Variants in PARD3B observed in about 807,000 individuals in gnomAD.
PARD3B encodes the protein par-3 family cell polarity regulator beta, also known as partitioning defective 3 homolog B.
A neutral mutation model predicts 130.2 loss-of-function variants in PARD3B; 103 were observed. The observed-to-expected ratio is 0.79, with a 90% CI of 0.67 to 0.93. The LOEUF is 0.93. PARD3B is among the 40% of genes least tolerant of loss of function. The probability of loss-of-function intolerance (pLI) is 0.00; values close to 1 mark genes in which losing one functional copy is unlikely to be tolerated. For missense variants in PARD3B, 1,609 were observed against 1,499.2 expected, an observed-to-expected ratio of 1.07 and a Z score of -1.21; for synonymous variants, 583 against 553.2, an observed-to-expected ratio of 1.05 and a Z score of -0.76.
In PARD3B at chr2:205,585,674, A is replaced by G. The variant is rs536420992; in HGVS notation, c.3261-29782A>G. 6.6e-6 allele frequency among the ~76,000 whole-genome samples: 1 copy of G among 152,212 alleles called. No homozygotes were observed. Among genetic ancestry groups the G allele is most frequent in the South Asian group, 2.1e-4 (1 of 4,826 alleles). On this transcript the variant is annotated intron_variant, in intron 22 of 22. Transcript: ENST00000406610. The surrounding 1 kb of genome is among the most constrained non-coding windows in gnomAD (Gnocchi z 5.4). ...TTCACTTACACAGATTTCAATGTCC[A>G]AAGGAAATGTGGGGGACACTTAGGC... is the stretch of plus-strand genomic sequence containing the variant.
At chr2:205,485,843 C>T (rs1461549477) in intron 20 of PARD3B, among the ~76,000 whole-genome samples, 1 of 152,188 alleles carries the variant, frequency 6.6e-6, no homozygotes, top group African/African-American at 2.4e-5. Context: ...CTTGTCTCTT[C>T]TCTAATAGGC....
rs560939621 is a variant in PARD3B at position 205,227,943 on chromosome 2, G to T, written c.2141-17835G>T. Among the ~76,000 whole-genome samples, 3 of 152,122 alleles carry T rather than the reference G, an allele frequency of 2.0e-5. No individual in the cohort carries two copies. The East Asian group carries it at 5.8e-4, about 29-fold the overall frequency. ...CTGATGACAACACTGACTGCATAAA[G>T]AAACAAACTAATAAACAGGCAAAAA... is the stretch of plus-strand genomic sequence containing the variant. On this transcript the variant is annotated intron_variant, in intron 15 of 22. Coordinates refer to ENST00000406610, the MANE Select transcript of PARD3B (RefSeq NM_001302769.2).
intron 11 of PARD3B, among the ~76,000 whole-genome samples, chr2:205,168,331 G>GTGTA (rs2034952504): frequency 6.6e-6 from 1 of 151,812 alleles, no homozygotes; most frequent in Non-Finnish European, 1.5e-5. Context: ...GTGTGTGTGT[G>GTGTA]TGAATATTGC....
intron 20 of PARD3B, among the ~76,000 whole-genome samples, chr2:205,495,224 T>C (rs2049881528): frequency 6.6e-6 from 1 of 152,218 alleles, no homozygotes; most frequent in African/African-American, 2.4e-5. Context: ...GCCTGTTTAA[T>C]GATACATCTG....
rs201798749 is a variant in PARD3B, at chr2:205,117,938, T to C, written c.681-983T>C. Among the ~76,000 whole-genome samples the C allele has an allele frequency of 1.2e-4, 13 of 107,784 alleles. No homozygotes were observed. In the East Asian group the frequency reaches 3.4e-3, roughly 28 times the overall value. 70.7% of individuals were successfully genotyped at this position (107,784 alleles called of 152,430 possible). A position where few individuals can be genotyped will look rare whatever the true frequency, so the allele number is the denominator to read the frequency against. On this transcript the variant is annotated intron_variant, in intron 6 of 22. Coordinates refer to ENST00000406610, the MANE Select transcript of PARD3B (RefSeq NM_001302769.2). ...GTGTACACACACACACACACACACA[T>C]ACACACACACATATTTTAATTCTAG...
intron 16 of PARD3B, among the ~76,000 whole-genome samples, chr2:205,290,020 C>T (rs537173575): frequency 6.6e-6 from 1 of 152,240 alleles, no homozygotes; most frequent in South Asian, 2.1e-4. Context: ...ACTAAGAGAA[C>T]CCAAGATGTC....
At chr2:205,137,447 G>T (rs2032581545) in intron 10 of PARD3B, among the ~76,000 whole-genome samples, 1 of 152,196 alleles carries the variant, frequency 6.6e-6, no homozygotes, top group Admixed American at 6.5e-5. Context: ...ATCATTTAAA[G>T]TCGGTAACAA....
chr2:205,597,442 G>A (rs2054611953), intron 22 of PARD3B, among the ~76,000 whole-genome samples: 1 of 152,154 alleles, frequency 6.6e-6, no homozygotes, highest in Non-Finnish European at 1.5e-5. Flanking sequence ...GGGCACCTGG[G>A]TTGATTCTAT....
chr2:204,680,326 C>T (rs1056985017), intron 1 of PARD3B, among the ~76,000 whole-genome samples: 1 of 151,914 alleles, frequency 6.6e-6, no homozygotes, highest in Non-Finnish European at 1.5e-5. Context: ...AGAATTCGTT[C>T]ATTTTATAAA....
intron 2 of PARD3B, among the ~76,000 whole-genome samples, chr2:204,709,280 T>A (rs1249440765): frequency 6.6e-6 from 1 of 152,136 alleles, no homozygotes; most frequent in Non-Finnish European, 1.5e-5. Context: ...AATAAAACAT[T>A]CTCCGCATGA....
intron 20 of PARD3B, among the ~76,000 whole-genome samples, chr2:205,445,545 G>A (rs1054788197): frequency 7.2e-5 from 11 of 151,974 alleles, no homozygotes; most frequent in East Asian, 3.9e-4. Flanking sequence ...CTAAACGGCC[G>A]GATCTCACGA....
intron 1 of PARD3B, among the ~76,000 whole-genome samples, chr2:204,628,445 A>AG: frequency 6.6e-6 from 1 of 152,250 alleles, no homozygotes; most frequent in East Asian, 1.9e-4. Flanking sequence ...ATTTAAAGAG[A>AG]GGGGAGAGAA....
At chr2:204,924,689 AG>A (rs1348057746) in intron 2 of PARD3B, among the ~76,000 whole-genome samples, 2 of 152,086 alleles carry the variant, frequency 1.3e-5, no homozygotes, top group African/African-American at 4.8e-5. Context: ...GAAAACAAAA[AG>A]CCTCTCCCAG....
At chr2:204,975,796 C>T (rs1219555042) in intron 3 of PARD3B, among the ~76,000 whole-genome samples, 2 of 152,140 alleles carry the variant, frequency 1.3e-5, no homozygotes, top group Non-Finnish European at 2.9e-5. Context: ...CATAATTGCC[C>T]TATATGTAAA....
In PARD3B at chr2:205,130,124, C is replaced by T. The variant is rs553460387; in HGVS notation, c.1434+4387C>T. Among the ~76,000 whole-genome samples, 10 of 152,240 alleles carry T rather than the reference C, an allele frequency of 6.6e-5. No individual in the cohort carries two copies. In the South Asian group the frequency reaches 2.1e-3, roughly 32 times the overall value. On this transcript the variant is annotated intron_variant, in intron 10 of 22. Coordinates refer to ENST00000406610, the MANE Select transcript of PARD3B (RefSeq NM_001302769.2). Reference sequence around the variant, plus strand: ...TTCAAAGATAATCTTTCCAGAATCCCATTCTGAAAGATCCTTTGGTGTCCT... The same window carrying T: ...TTCAAAGATAATCTTTCCAGAATCCTATTCTGAAAGATCCTTTGGTGTCCT...
At chr2:204,670,658 C>T (rs759504304) in intron 1 of PARD3B, among the ~76,000 whole-genome samples, 8 of 152,078 alleles carry the variant, frequency 5.3e-5, no homozygotes, top group East Asian at 1.9e-4. Context: ...TCAAGCTATA[C>T]GTTTTTTTCT....
At chr2:205,076,328 C>A (rs1031831628) in intron 4 of PARD3B, among the ~76,000 whole-genome samples, 3 of 152,232 alleles carry the variant, frequency 2.0e-5, no homozygotes, top group African/African-American at 4.8e-5. Flanking sequence ...TCTAAAACTT[C>A]TGGATAATAA....
At chr2:204,576,675 C>T (rs1044805856) in intron 1 of PARD3B, among the ~76,000 whole-genome samples, 9 of 152,068 alleles carry the variant, frequency 5.9e-5, no homozygotes, top group Admixed American at 1.3e-4. Flanking sequence ...ATGGAATCAC[C>T]AGTGAGACTT....
chr2:204,626,996 G>A (rs2125134545), intron 1 of PARD3B, among the ~76,000 whole-genome samples: 1 of 152,234 alleles, frequency 6.6e-6, no homozygotes, highest in Admixed American at 6.5e-5. Context: ...GGATCACAGC[G>A]ATGGTTTCCT....
Sources: allele counts gnomAD v4.1 joint callset (sites outside exome capture counted in the v4.1 genomes callset), GRCh38; gene constraint gnomAD v4.1.1; non-coding constraint Gnocchi (gnomAD v3.1); transcripts MANE v1.5; gene names NCBI Gene and HGNC (gene_info 2026-07-23, HGNC 2026-07-21).